SDK1: variants seen among roughly 807,000 people sequenced by gnomAD.
SDK1 encodes protein sidekick-1.
Under a neutral mutation model 245.5 loss-of-function variants are expected in SDK1, and 157 were observed. The observed-to-expected ratio is 0.64, with a 90% CI of 0.56 to 0.73. The LOEUF is 0.73. Ranked by LOEUF, SDK1 falls within the 30% of genes least tolerant of loss-of-function variation. SDK1 has a pLI of 0.00. For synonymous variants in SDK1, 1,647 were observed against 1,278.5 expected (o/e 1.29, Z -6.15); for missense variants, 3,583 against 3,002.3 (o/e 1.19, Z -4.52).
At chr7:3,485,627 C>G (rs367828397) in intron 1 of SDK1, among the ~76,000 whole-genome samples, 1 of 112,328 alleles carries the variant, frequency 8.9e-6, no homozygotes, top group Admixed American at 1.1e-4. Context: ...AAAATGCTTT[C>G]TTGTATGGAT....
chr7:4,105,540 C>T (rs576032496), intron 22 of SDK1, among the ~76,000 whole-genome samples: 11 of 148,662 alleles, frequency 7.4e-5, no homozygotes, highest in African/African-American at 2.5e-4. Flanking sequence ...CTCTTGACCT[C>T]GTGATCCACC....
intron 1 of SDK1, among the ~76,000 whole-genome samples, chr7:3,354,168 T>A (rs1275775126): frequency 6.6e-6 from 1 of 151,904 alleles, no homozygotes; most frequent in Non-Finnish European, 1.5e-5. Flanking sequence ...CCGGCTAATT[T>A]TTTGTATTTT....
At chr7:3,470,019 A>G (rs1388384886) in intron 1 of SDK1, among the ~76,000 whole-genome samples, 1 of 152,180 alleles carries the variant, frequency 6.6e-6, no homozygotes, top group Admixed American at 6.6e-5. Flanking sequence ...AATGGCCAGA[A>G]GCAACTGCTT....
chr7:3,779,104 G>A (rs1360385123), intron 4 of SDK1, among the ~76,000 whole-genome samples: 8 of 152,090 alleles, frequency 5.3e-5, no homozygotes, highest in Admixed American at 2.0e-4. Flanking sequence ...AGAATTCTGC[G>A]GAGTTTCTTT....
chr7:3,630,969 T>A (rs1782271571), intron 2 of SDK1, among the ~76,000 whole-genome samples: 1 of 152,132 alleles, frequency 6.6e-6, no homozygotes, highest in Admixed American at 6.5e-5. Flanking sequence ...AGGGTGTCAC[T>A]TTGTTGCCCA....
At chr7:3,658,873 C>A (rs1027419006) in intron 4 of SDK1, among the ~76,000 whole-genome samples, 1 of 152,174 alleles carries the variant, frequency 6.6e-6, no homozygotes, top group Non-Finnish European at 1.5e-5. Context: ...CCACTTCAGC[C>A]TCTCAAAGTG....
intron 9 of SDK1, 99 bp from the exon 10 acceptor site, chr7:3,967,219 T>C (rs971019526): frequency 2.5e-5 from 22 of 870,610 alleles, no homozygotes; most frequent in Non-Finnish European, 4.2e-5. Context: ...CAGTTACCTC[T>C]GTGATTGGCT....
chr7:3,915,935 T>A (rs1254772877), intron 5 of SDK1, among the ~76,000 whole-genome samples: 1 of 152,204 alleles, frequency 6.6e-6, no homozygotes, highest in African/African-American at 2.4e-5. Context: ...CGGAAGGAGA[T>A]GTTAATCTCT....
At position 4,079,704 on chromosome 7, in the gene SDK1, G is replaced by C. The variant is rs1285800017; in HGVS notation, c.3324+120G>C. The C allele has an allele frequency of 2.2e-6, 3 of 1,373,530 alleles. No individual in the cohort carries two copies. The East Asian group carries it at 7.0e-5, about 32-fold the overall frequency. 85.1% of individuals were successfully genotyped at this position (1,373,530 alleles called of 1,614,324 possible). On this transcript the variant is annotated intron_variant, in intron 22 of 44. Transcript: ENST00000404826. ...TCGGGGAGATGGGTGTGCTTGGAGA[G>C]GGAGAACCAGGGGCTGGAGATAGCC...
chr7:3,483,491 C>T (rs1258247681), intron 1 of SDK1, among the ~76,000 whole-genome samples: 1 of 152,094 alleles, frequency 6.6e-6, no homozygotes, highest in African/African-American at 2.4e-5. Flanking sequence ...GGTGAATAAT[C>T]ATATTGTTTG....
At position 3,752,721 on chromosome 7, in the gene SDK1, T is replaced by G. The variant is rs113220476; in HGVS notation, c.714-68729T>G. Among the ~76,000 whole-genome samples the G allele has an allele frequency of 2.5e-3, 385 of 152,022 alleles. 5 individuals carry two copies. The highest frequency in any genetic ancestry group is 8.5e-3 in the African/African-American group (352 of 41,566). ...CGTGAATCCATTTCTTTCTTTGCAT[T>G]TTTATTATTGTGCATCATGAGACTC... On this transcript the variant is annotated intron_variant, in intron 4 of 44. Coordinates refer to ENST00000404826, the MANE Select transcript of SDK1 (RefSeq NM_152744.4).
At chr7:3,882,631 A>G (rs1353778662) in intron 5 of SDK1, among the ~76,000 whole-genome samples, 3 of 152,190 alleles carry the variant, frequency 2.0e-5, no homozygotes, top group Non-Finnish European at 4.4e-5. Flanking sequence ...TGTAGAATGT[A>G]AATAGCATTG....
At chr7:3,632,330 A>G (rs1010419031) in intron 2 of SDK1, among the ~76,000 whole-genome samples, 3 of 152,234 alleles carry the variant, frequency 2.0e-5, no homozygotes, top group Non-Finnish European at 2.9e-5. Flanking sequence ...AGAAAATCAC[A>G]TAAACGGGAA....
chr7:3,784,163 C>A (rs1354149552), intron 4 of SDK1, among the ~76,000 whole-genome samples: 1 of 151,054 alleles, frequency 6.6e-6, no homozygotes, highest in African/African-American at 2.4e-5. Flanking sequence ...TGAAATGACT[C>A]ATCCCTGAGC....
intron 1 of SDK1, among the ~76,000 whole-genome samples, chr7:3,578,666 C>G (rs1204956768): frequency 1.3e-5 from 2 of 151,790 alleles, no homozygotes; most frequent in Non-Finnish European, 2.9e-5. Flanking sequence ...ATATTCCTTG[C>G]TAGGAAAAGA....
intron 1 of SDK1, among the ~76,000 whole-genome samples, chr7:3,312,479 C>G (rs1779573023): frequency 6.6e-6 from 1 of 151,588 alleles, no homozygotes; most frequent in African/African-American, 2.4e-5. Context: ...GGGGTAAGAT[C>G]ATAATGAAAG....
intron 5 of SDK1, among the ~76,000 whole-genome samples, chr7:3,948,942 A>G (rs1780686727): frequency 6.6e-6 from 1 of 152,136 alleles, no homozygotes. Context: ...CTATTTGCAA[A>G]TATTAGCTTC....
At chr7:3,726,745 C>T (rs918665962) in intron 4 of SDK1, among the ~76,000 whole-genome samples, 4 of 152,184 alleles carry the variant, frequency 2.6e-5, no homozygotes, top group Non-Finnish European at 5.9e-5. Context: ...TTGACAGTGT[C>T]CTCAGTACCA....
At chr7:3,454,026 A>C (rs187620100) in intron 1 of SDK1, among the ~76,000 whole-genome samples, 35 of 152,314 alleles carry the variant, frequency 2.3e-4, no homozygotes, top group Admixed American at 1.4e-3. Flanking sequence ...GTAGATTTTT[A>C]AACATTGAGA....
Sources: allele counts gnomAD v4.1 joint callset (sites outside exome capture counted in the v4.1 genomes callset), GRCh38; gene constraint gnomAD v4.1.1; transcripts MANE v1.5; gene names NCBI Gene and HGNC (gene_info 2026-07-23, HGNC 2026-07-21).